Variants in PUDP observed in about 807,000 individuals in gnomAD.
PUDP encodes pseudouridine 5'-phosphatase, also known as pseudouridine-5'-phosphatase.
Under a neutral mutation model 9.4 loss-of-function variants are expected in PUDP, and 8 were observed. The ratio of observed to expected loss-of-function variants is 0.85; its 90% CI spans 0.50 to 1.53. The LOEUF is 1.53. Ranked by LOEUF, PUDP falls within the 40% of genes most tolerant of loss-of-function variation. The probability of loss-of-function intolerance (pLI) is 0.00; values close to 1 mark genes in which losing one functional copy is unlikely to be tolerated. For synonymous variants in PUDP, 99 were observed against 80.7 expected, an observed-to-expected ratio of 1.23 and a Z score of -1.22; for missense variants, 188 against 189.7, an observed-to-expected ratio of 0.99 and a Z score of 0.05.
At chrX:6,862,432 A>C (rs1569112796) in intron 3 of PUDP, among the ~76,000 whole-genome samples, 1 of 112,760 alleles carries the variant, frequency 8.9e-6, no homozygotes, top group Non-Finnish European at 1.9e-5. Flanking sequence ...AAAGATGTTC[A>C]TTTTACATTC....
chrX:6,895,892 T>C (rs1483307014), intron 3 of PUDP, among the ~76,000 whole-genome samples: 1 of 110,771 alleles, frequency 9.0e-6, no homozygotes, highest in Non-Finnish European at 1.9e-5. Context: ...CTTCTCACTA[T>C]GTCCTCACGT....
Position 7,038,353 on chromosome X carries a change from G to A in PUDP, c.204+38867C>T, listed in dbSNP as rs147871413. ...GGAGCATCCATCTGGGCTATGTGAC[G>A]TAGGCTGGCAATACACGAAAGAGGA... On this transcript the variant is annotated intron_variant and NMD_transcript_variant, in intron 1 of 3. Coordinates refer to the PUDP transcript ENST00000655425. Among the ~76,000 whole-genome samples the A allele has an allele frequency of 1.9e-3, 210 of 112,285 alleles. 4 individuals carry two copies. In the East Asian group the frequency reaches 0.05, roughly 27 times the overall value.
At chrX:6,786,555 C>T (rs1278148541) in intron 3 of PUDP, among the ~76,000 whole-genome samples, 1 of 112,455 alleles carries the variant, frequency 8.9e-6, no homozygotes, top group Non-Finnish European at 1.9e-5. Flanking sequence ...GTTGGTAACA[C>T]GTCTTAGCTC....
At chrX:6,800,622 G>A (rs1380838082) in intron 3 of PUDP, among the ~76,000 whole-genome samples, 2 of 111,699 alleles carry the variant, frequency 1.8e-5, no homozygotes, top group Non-Finnish European at 3.8e-5. Context: ...AAGGATGCTC[G>A]GACAACATCG....
intron 3 of PUDP, among the ~76,000 whole-genome samples, chrX:6,853,617 T>C (rs1926861763): frequency 1.8e-5 from 2 of 111,500 alleles, no homozygotes; most frequent in Admixed American, 9.6e-5. Flanking sequence ...TACCACTAAA[T>C]GGTCAATCCC....
At chrX:7,054,105 T>C (rs1930173442) in intron 3 of PUDP, among the ~76,000 whole-genome samples, 1 of 111,854 alleles carries the variant, frequency 8.9e-6, no homozygotes, top group Admixed American at 9.4e-5. Context: ...CTGGTTGCTA[T>C]CACAATCAAT....
chrX:6,861,993 G>A (rs957873179), intron 3 of PUDP, among the ~76,000 whole-genome samples: 6 of 111,737 alleles, frequency 5.4e-5, no homozygotes, highest in African/African-American at 2.0e-4. Flanking sequence ...TTAGTGAGAG[G>A]CTGTCAGCTT....
intron 1 of PUDP, among the ~76,000 whole-genome samples, chrX:6,995,363 C>A (rs977382697): frequency 1.9e-4 from 21 of 111,411 alleles, no homozygotes; most frequent in African/African-American, 6.5e-4. Flanking sequence ...ATATCGAAAG[C>A]CTTTGCAGAA....
intron 1 of PUDP, among the ~76,000 whole-genome samples, chrX:6,979,641 C>T (rs190046819): frequency 3.3e-3 from 374 of 111,666 alleles, no homozygotes; most frequent in Non-Finnish European, 5.5e-3. Context: ...TTTCCAGAGA[C>T]GGATAATTGA....
chrX:7,111,885 T>C (rs775742934), intron 1 of PUDP, among the ~76,000 whole-genome samples: 4 of 110,969 alleles, frequency 3.6e-5, no homozygotes, highest in East Asian at 2.8e-4. Flanking sequence ...CCGTGAGTTA[T>C]AGGGAATTGA....
intron 1 of PUDP, among the ~76,000 whole-genome samples, chrX:7,004,219 T>C (rs1929370148): frequency 8.9e-6 from 1 of 111,963 alleles, no homozygotes; most frequent in Non-Finnish European, 1.9e-5. Flanking sequence ...TATGTAATAA[T>C]AAATAAATAA....
intron 2 of PUDP, among the ~76,000 whole-genome samples, chrX:7,081,918 G>A (rs1354680712): frequency 8.9e-6 from 1 of 112,871 alleles, no homozygotes; most frequent in Non-Finnish European, 1.9e-5. Context: ...CTAATCACCT[G>A]ATTCAAAACT....
chrX:6,787,364 G>A (rs1713051563), intron 3 of PUDP, among the ~76,000 whole-genome samples: 1 of 112,117 alleles, frequency 8.9e-6, no homozygotes, highest in African/African-American at 3.2e-5. Context: ...GTAGCTGTGT[G>A]CATTGGTACA....
Position 6,883,927 on chromosome X carries a change from G to A in PUDP, c.*247+93206C>T, listed in dbSNP as rs370678940. Among the ~76,000 whole-genome samples, 6 of 111,311 alleles carry A rather than the reference G, an allele frequency of 5.4e-5. No individual in the cohort carries two copies. The East Asian group carries it at 1.1e-3, about 21-fold the overall frequency. ...ACGATCTCGGCTCGCTGCAAGCTCC[G>A]TCTCCCGGGTTCACACCATTCTCCT... On this transcript the variant is annotated intron_variant and NMD_transcript_variant, in intron 3 of 3. Transcript: ENST00000655425.
chrX:6,901,229 T>G (rs777283712), intron 3 of PUDP, among the ~76,000 whole-genome samples: 14 of 111,976 alleles, frequency 1.3e-4, no homozygotes, highest in Non-Finnish European at 2.6e-4. Context: ...GCAGAGATGA[T>G]GTAAGATCAG....
At chrX:6,851,687 G>T (rs1926829571) in intron 3 of PUDP, among the ~76,000 whole-genome samples, 1 of 111,549 alleles carries the variant, frequency 9.0e-6, no homozygotes, top group Non-Finnish European at 1.9e-5. Flanking sequence ...ACAAAAGAAG[G>T]CTACCATAAG....
At chrX:6,987,689 A>G (rs1463632448) in intron 1 of PUDP, among the ~76,000 whole-genome samples, 1 of 112,319 alleles carries the variant, frequency 8.9e-6, no homozygotes, top group Non-Finnish European at 1.9e-5. Context: ...TTCATGACAT[A>G]CTGTCCACGG....
chrX:7,018,832 T>C (rs924515620), intron 1 of PUDP, among the ~76,000 whole-genome samples: 24 of 111,478 alleles, frequency 2.2e-4, no homozygotes, highest in African/African-American at 7.5e-4. Flanking sequence ...CCCAGAAAGT[T>C]AGGTGTTCCT....
chrX:6,714,200 T>C (rs1412449658), intron 1 of PUDP, among the ~76,000 whole-genome samples: 1 of 112,071 alleles, frequency 8.9e-6, no homozygotes, highest in Non-Finnish European at 1.9e-5. Context: ...CCTCAACTGA[T>C]TTATTCATTT....
Sources: gnomAD v4.1 joint callset for allele counts (sites outside exome capture counted in the v4.1 genomes callset) on GRCh38, gnomAD v4.1.1 for gene constraint, MANE v1.5 for transcripts, NCBI Gene and HGNC (gene_info 2026-07-23, HGNC 2026-07-21) for gene names.